Variants in NKAIN2 observed in about 807,000 individuals in gnomAD.
NKAIN2 encodes sodium/potassium transporting ATPase interacting 2, also known as sodium/potassium-transporting ATPase subunit beta-1-interacting protein 2.
In NKAIN2, 14 loss-of-function variants were observed where a neutral mutation model predicts 32.6. That is an observed-to-expected ratio of 0.43 (90% CI 0.28 to 0.67). The LOEUF is 0.67. Among genes scored for constraint, NKAIN2 ranks in the 30% least tolerant of loss-of-function variants. The pLI is 0.17. For synonymous variants in NKAIN2, 80 were observed against 87.2 expected (o/e 0.92, Z 0.46); for missense variants, 198 against 258.3 (o/e 0.77, Z 1.60).
At chr6:124,277,390 C>T (rs1205240953) in intron 1 of NKAIN2, among the ~76,000 whole-genome samples, 1 of 151,312 alleles carries the variant, frequency 6.6e-6, no homozygotes, top group Non-Finnish European at 1.5e-5. Flanking sequence ...CTTTTAATTT[C>T]CATCTTGGAT....
intron 1 of NKAIN2, among the ~76,000 whole-genome samples, chr6:123,928,370 G>C (rs1376236828): frequency 6.6e-6 from 1 of 151,976 alleles, no homozygotes; most frequent in Non-Finnish European, 1.5e-5. Context: ...ATACCCATTT[G>C]GTAAGCCTGC....
intron 2 of NKAIN2, among the ~76,000 whole-genome samples, chr6:124,316,772 T>A (rs1414864489): frequency 2.0e-5 from 3 of 152,136 alleles, no homozygotes; most frequent in African/African-American, 7.2e-5. Context: ...TGACTCATTC[T>A]ACTCAGCACC....
At chr6:124,247,885 T>C (rs539407698) in intron 1 of NKAIN2, among the ~76,000 whole-genome samples, 1 of 152,260 alleles carries the variant, frequency 6.6e-6, no homozygotes, top group Admixed American at 6.6e-5. Context: ...ACTGAGTTAC[T>C]ATACCATTAA....
chr6:124,765,256 A>C (rs1160403570), intron 4 of NKAIN2, among the ~76,000 whole-genome samples: 5 of 152,220 alleles, frequency 3.3e-5, no homozygotes, highest in Non-Finnish European at 7.3e-5. Flanking sequence ...GTAAGAATAG[A>C]GTCTCAATGA....
chr6:124,438,759 G>A (rs1452268014), intron 3 of NKAIN2, among the ~76,000 whole-genome samples: 1 of 152,182 alleles, frequency 6.6e-6, no homozygotes, highest in South Asian at 2.1e-4. Flanking sequence ...TGTCTTACTT[G>A]CTGTATCAGC....
rs542789425 is a variant in NKAIN2 at position 124,666,445 on chromosome 6, T to A, written c.474+8059T>A. On this transcript the variant is annotated intron_variant, in intron 4 of 6. Coordinates refer to ENST00000368417, the MANE Select transcript of NKAIN2 (RefSeq NM_001040214.3). Reference sequence around the variant, plus strand: ...ATCCCTGAATAGTAAAAAATATTATTATTACTGAATAGTAAGAAGTAAGTT... The same window carrying A: ...ATCCCTGAATAGTAAAAAATATTATAATTACTGAATAGTAAGAAGTAAGTT... Among the ~76,000 whole-genome samples, 5 of 152,120 alleles carry A rather than the reference T, an allele frequency of 3.3e-5. No individual in the cohort carries two copies. The South Asian group carries it at 1.0e-3, about 32-fold the overall frequency.
At chr6:124,016,482 C>T (rs1780579530) in intron 1 of NKAIN2, among the ~76,000 whole-genome samples, 1 of 152,148 alleles carries the variant, frequency 6.6e-6, no homozygotes, top group South Asian at 2.1e-4. Context: ...ATGCCAAAGT[C>T]CACAATGTTA....
At chr6:124,174,109 G>A (rs1789037054) in intron 1 of NKAIN2, among the ~76,000 whole-genome samples, 1 of 152,034 alleles carries the variant, frequency 6.6e-6, no homozygotes. Flanking sequence ...TTAAACAGAG[G>A]GAAATTGTGA....
intron 3 of NKAIN2, among the ~76,000 whole-genome samples, chr6:124,453,729 C>T (rs545148497): frequency 3.9e-5 from 6 of 151,932 alleles, no homozygotes; most frequent in Non-Finnish European, 8.8e-5. Context: ...TTCTAGAGTA[C>T]TTAGAATCAA....
At chr6:124,818,003 T>A (rs1253197942) in intron 5 of NKAIN2, among the ~76,000 whole-genome samples, 2,476 of 152,288 alleles carry the variant, frequency 0.016, no homozygotes, top group African/African-American at 0.054. Context: ...TTATTTATAT[T>A]TATATGCTGT....
At chr6:124,589,855 A>G (rs1412787999) in intron 3 of NKAIN2, among the ~76,000 whole-genome samples, 1 of 148,736 alleles carries the variant, frequency 6.7e-6, no homozygotes, top group Non-Finnish European at 1.5e-5. Context: ...AAGCCCTGGC[A>G]TATGATGTTC....
At chr6:124,603,685 G>A (rs1782391598) in intron 3 of NKAIN2, among the ~76,000 whole-genome samples, 2 of 151,868 alleles carry the variant, frequency 1.3e-5, no homozygotes, top group African/African-American at 2.4e-5. Context: ...TGTAAATAGG[G>A]TGACCATATA....
At chr6:124,716,176 G>T (rs923584279) in intron 4 of NKAIN2, among the ~76,000 whole-genome samples, 1 of 152,168 alleles carries the variant, frequency 6.6e-6, no homozygotes, top group Non-Finnish European at 1.5e-5. Flanking sequence ...TGTGACCAGG[G>T]TTCAAGGTTC....
intron 1 of NKAIN2, among the ~76,000 whole-genome samples, chr6:124,101,240 GA>G (rs11352683): frequency 0.062 from 9,324 of 150,174 alleles, 927 homozygotes; most frequent in African/African-American, 0.21. Context: ...CTGGAGGGCT[GA>G]AAAAAAAATG....
chr6:124,686,953 A>G (rs1429845845), intron 4 of NKAIN2, among the ~76,000 whole-genome samples: 1 of 152,048 alleles, frequency 6.6e-6, no homozygotes, highest in Non-Finnish European at 1.5e-5. Flanking sequence ...TGAAAAGGTG[A>G]GATAGGCCTA....
At chr6:124,131,950 G>A (rs1315390497) in intron 1 of NKAIN2, among the ~76,000 whole-genome samples, 1 of 152,194 alleles carries the variant, frequency 6.6e-6, no homozygotes, top group East Asian at 1.9e-4. Flanking sequence ...GTGAGCAGAT[G>A]GGGAGGGAGG....
intron 3 of NKAIN2, among the ~76,000 whole-genome samples, chr6:124,411,800 C>T (rs1262763590): frequency 1.3e-5 from 2 of 152,204 alleles, no homozygotes; most frequent in Non-Finnish European, 2.9e-5. Flanking sequence ...TCCATTCTCT[C>T]CGTCACTTTC....
At chr6:124,293,968 T>C (rs576096917) in intron 2 of NKAIN2, among the ~76,000 whole-genome samples, 2 of 152,286 alleles carry the variant, frequency 1.3e-5, no homozygotes, top group South Asian at 4.1e-4. Flanking sequence ...ATGAATTGTT[T>C]TTAGTTTAGA....
At chr6:124,343,963 A>C (rs1798273070) in intron 2 of NKAIN2, among the ~76,000 whole-genome samples, 1 of 150,946 alleles carries the variant, frequency 6.6e-6, no homozygotes, top group Non-Finnish European at 1.5e-5. Context: ...TTATGGTTTT[A>C]GGTCTAAGGT....
Sources: gnomAD v4.1 joint callset for allele counts (sites outside exome capture counted in the v4.1 genomes callset) on GRCh38, gnomAD v4.1.1 for gene constraint, MANE v1.5 for transcripts, NCBI Gene and HGNC (gene_info 2026-07-23, HGNC 2026-07-21) for gene names.